Variants in CHODL observed in about 807,000 individuals in gnomAD.
CHODL encodes the protein chondrolectin.
A neutral mutation model predicts 34.5 loss-of-function variants in CHODL; 29 were observed. The observed-to-expected ratio is 0.84, with a 90% confidence interval of 0.63 to 1.15. CHODL has a LOEUF of 1.15. CHODL is among the 50% of genes most tolerant of loss of function. CHODL has a pLI of 0.00. For synonymous variants in CHODL, 125 were observed against 116.1 expected, an observed-to-expected ratio of 1.08 and a Z score of -0.49; for missense variants, 332 against 332.5, an observed-to-expected ratio of 1.00 and a Z score of 0.01.
At chr21:17,984,557 C>CT (rs540478294) in intron 1 of CHODL, among the ~76,000 whole-genome samples, 5 of 151,892 alleles carry the variant, frequency 3.3e-5, no homozygotes, top group Non-Finnish European at 7.4e-5. Flanking sequence ...TTGTACATGA[C>CT]TTTTTTTAAT....
intron 1 of CHODL, among the ~76,000 whole-genome samples, chr21:18,017,249 T>C (rs1200312332): frequency 5.9e-5 from 9 of 152,184 alleles, no homozygotes; most frequent in African/African-American, 1.2e-4. Context: ...TCAAATCTCA[T>C]GTTGAATTAT....
intron 1 of CHODL, among the ~76,000 whole-genome samples, chr21:17,980,622 C>G (rs1208631999): frequency 4.6e-5 from 7 of 152,282 alleles, no homozygotes; most frequent in Admixed American, 1.3e-4. Context: ...TTGAATTCCA[C>G]TGAGGGACTG....
intron 2 of CHODL, among the ~76,000 whole-genome samples, chr21:18,226,109 T>C (rs2073928855): frequency 1.3e-5 from 2 of 152,098 alleles, no homozygotes. Flanking sequence ...TCTTGTTGCC[T>C]TGTAAGGTAG....
At chr21:18,090,728 A>G (rs1406093777) in intron 2 of CHODL, among the ~76,000 whole-genome samples, 1 of 40,454 alleles carries the variant, frequency 2.5e-5, no homozygotes, top group Non-Finnish European at 1.0e-4. Flanking sequence ...AATTTCCAGA[A>G]AAAAAAAAAA....
At chr21:18,205,296 G>T (rs1237798840) in intron 2 of CHODL, among the ~76,000 whole-genome samples, 1 of 152,100 alleles carries the variant, frequency 6.6e-6, no homozygotes, top group Non-Finnish European at 1.5e-5. Context: ...ATCATGAAGG[G>T]ATGTTGAATT....
chr21:17,982,104 G>A (rs143125880), intron 1 of CHODL, among the ~76,000 whole-genome samples: 1 of 152,304 alleles, frequency 6.6e-6, no homozygotes, highest in East Asian at 1.9e-4. Flanking sequence ...TCACATCAGA[G>A]GGAGAAAAAT....
At chr21:18,241,298 G>T (rs955372252), upstream of CHODL, among the ~76,000 whole-genome samples, 14 of 151,586 alleles carry the variant, frequency 9.2e-5, no homozygotes, top group South Asian at 2.5e-3. Context: ...ATATAGTAAT[G>T]ATTTTACTTT....
intron 2 of CHODL, among the ~76,000 whole-genome samples, chr21:18,216,825 C>T (rs2073834096): frequency 1.3e-5 from 2 of 152,068 alleles, no homozygotes; most frequent in African/African-American, 2.4e-5. Context: ...TATCACACAA[C>T]CAGATCTCGT....
intron 2 of CHODL, among the ~76,000 whole-genome samples, chr21:18,144,616 ACTCT>A (rs1011768582): frequency 2.0e-5 from 3 of 152,086 alleles, no homozygotes; most frequent in Non-Finnish European, 2.9e-5. Context: ...AGCTCTCATA[ACTCT>A]CTATTTCTCT....
intron 1 of CHODL, among the ~76,000 whole-genome samples, chr21:18,005,823 G>C (rs2063955272): frequency 6.6e-6 from 1 of 152,128 alleles, no homozygotes; most frequent in Admixed American, 6.5e-5. Context: ...ACACACTGGG[G>C]CCTGTGGGAT....
chr21:18,227,649 T>C (rs2073942704), intron 2 of CHODL, among the ~76,000 whole-genome samples: 1 of 152,152 alleles, frequency 6.6e-6, no homozygotes. Flanking sequence ...GACAGGGAAA[T>C]TGATATGTCC....
At chr21:18,243,194 C>T (rs2074098270), upstream of CHODL, among the ~76,000 whole-genome samples, 1 of 152,214 alleles carries the variant, frequency 6.6e-6, no homozygotes, top group Admixed American at 6.5e-5. Flanking sequence ...TCCATTACAG[C>T]ATTTATACAC....
chr21:18,244,025 C>A (rs557133661), upstream of CHODL, among the ~76,000 whole-genome samples: 1 of 152,312 alleles, frequency 6.6e-6, no homozygotes, highest in East Asian at 1.9e-4. Flanking sequence ...GAACTTCTCT[C>A]CAGTATTCCT....
chr21:18,152,860 GACT>G (rs1319394832), intron 2 of CHODL, among the ~76,000 whole-genome samples: 1 of 152,132 alleles, frequency 6.6e-6, no homozygotes, highest in African/African-American at 2.4e-5. Context: ...GTAACTATTA[GACT>G]CCAAATAAAT....
intron 2 of CHODL, among the ~76,000 whole-genome samples, chr21:18,193,697 G>GAA (rs1015005875): frequency 2.8e-4 from 21 of 74,218 alleles, no homozygotes; most frequent in African/African-American, 7.4e-4. Context: ...CTCTGTCTCA[G>GAA]AAAAAAAAAA....
At position 18,084,416 on chromosome 21, in the gene CHODL, C is replaced by G. The variant is rs373884706; in HGVS notation, c.-45+56445C>G. Among the ~76,000 whole-genome samples, 5 of 151,954 alleles carry G rather than the reference C, an allele frequency of 3.3e-5. No homozygotes were observed. The East Asian group carries it at 5.8e-4, about 18-fold the overall frequency. On this transcript the variant is annotated intron_variant, in intron 2 of 6. Coordinates refer to the CHODL transcript ENST00000400127. ...GTAGGTATTTAATGCTAAAAACGTC[C>G]CTTTTAGCACTGCTTTTGCTGTATC...
At chr21:18,082,102 T>C (rs567944661) in intron 2 of CHODL, among the ~76,000 whole-genome samples, 2 of 152,340 alleles carry the variant, frequency 1.3e-5, no homozygotes, top group East Asian at 1.9e-4. Flanking sequence ...TGGTGGGAGA[T>C]GATTGAATCG....
At chr21:17,968,535 C>A (rs1345078332) in intron 1 of CHODL, among the ~76,000 whole-genome samples, 1 of 152,176 alleles carries the variant, frequency 6.6e-6, no homozygotes, top group African/African-American at 2.4e-5. Context: ...TAATTAGATT[C>A]TGCCCTAATG....
At chr21:18,234,181 A>G (rs1003541928) in intron 2 of CHODL, among the ~76,000 whole-genome samples, 16 of 152,114 alleles carry the variant, frequency 1.1e-4, no homozygotes, top group Non-Finnish European at 2.2e-4. Context: ...CGAATGCGCT[A>G]CTTTTACTCT....
Sources: gnomAD v4.1 joint callset for allele counts (sites outside exome capture counted in the v4.1 genomes callset) on GRCh38, gnomAD v4.1.1 for gene constraint, MANE v1.5 for transcripts, NCBI Gene and HGNC (gene_info 2026-07-23, HGNC 2026-07-21) for gene names.